The following TMEM135 variants were observed in gnomAD, a reference collection of about 807,000 sequenced individuals.
TMEM135 encodes the protein transmembrane protein 135, also known as peroxisomal membrane protein 52.
TMEM135 carries 30 observed loss-of-function variants against 60.3 expected under a neutral mutation model. The observed-to-expected ratio is 0.50, with a 90% CI of 0.37 to 0.68. TMEM135 has a LOEUF of 0.68. Ranked by LOEUF, TMEM135 falls within the 30% of genes least tolerant of loss-of-function variation. The pLI, the probability that TMEM135 is intolerant of heterozygous loss-of-function variation, is 0.00. For missense variants in TMEM135, 468 were observed against 548.8 expected (o/e 0.85, Z 1.47); for synonymous variants, 190 against 186.7 (o/e 1.02, Z -0.14).
At chr11:87,309,120 AT>A (rs1203651758) in intron 9 of TMEM135, among the ~76,000 whole-genome samples, 1 of 152,182 alleles carries the variant, frequency 6.6e-6, no homozygotes, top group Non-Finnish European at 1.5e-5. Context: ...TTTCAAGAGC[AT>A]TTGGTTTTAT....
chr11:87,163,982 G>A (rs1398107267), intron 5 of TMEM135, among the ~76,000 whole-genome samples: 2 of 148,628 alleles, frequency 1.3e-5, no homozygotes, highest in East Asian at 4.1e-4. Flanking sequence ...CTCCCATTTT[G>A]TAGGATGCCT....
chr11:87,087,809 C>T (rs1489269186), intron 3 of TMEM135, among the ~76,000 whole-genome samples: 6 of 152,198 alleles, frequency 3.9e-5, no homozygotes, highest in Middle Eastern at 3.4e-3. Flanking sequence ...CGATCTTGGC[C>T]CACTGCAACC....
chr11:87,300,038 A>G (rs1942415989), intron 7 of TMEM135, among the ~76,000 whole-genome samples: 1 of 152,206 alleles, frequency 6.6e-6, no homozygotes, highest in African/African-American at 2.4e-5. Flanking sequence ...TGATCCAGAT[A>G]AGAAGAGCAA....
At chr11:87,170,175 A>G (rs1236156569) in intron 5 of TMEM135, among the ~76,000 whole-genome samples, 1 of 152,166 alleles carries the variant, frequency 6.6e-6, no homozygotes, top group East Asian at 1.9e-4. Flanking sequence ...TATTCTAGTT[A>G]GCAATTCCTC....
At chr11:87,110,406 T>A (rs1244707307) in intron 4 of TMEM135, among the ~76,000 whole-genome samples, 1 of 151,760 alleles carries the variant, frequency 6.6e-6, no homozygotes, top group Non-Finnish European at 1.5e-5. Context: ...GAGGTTATAG[T>A]GAGCCATGCT....
chr11:87,122,956 G>T (rs993792465), intron 4 of TMEM135, among the ~76,000 whole-genome samples: 7 of 152,096 alleles, frequency 4.6e-5, no homozygotes, highest in African/African-American at 1.7e-4. Context: ...TGCCAGCTTT[G>T]TGGGTCATAT....
At chr11:87,305,468 A>T (rs1383639030) in intron 8 of TMEM135, among the ~76,000 whole-genome samples, 2 of 152,138 alleles carry the variant, frequency 1.3e-5, no homozygotes, top group Admixed American at 1.3e-4. Context: ...ACCAAAAGTG[A>T]CACACATTTA....
At chr11:87,076,442 C>A (rs1042558585) in intron 3 of TMEM135, among the ~76,000 whole-genome samples, 2 of 152,196 alleles carry the variant, frequency 1.3e-5, no homozygotes, top group African/African-American at 4.8e-5. Flanking sequence ...AGTAGGCCCC[C>A]CCTCTGGCCT....
chr11:87,318,385 C>G (rs1389790691), intron 13 of TMEM135, 150 bp downstream of exon 13: 1 of 659,530 alleles, frequency 1.5e-6, no homozygotes, highest in Non-Finnish European at 2.6e-6. Flanking sequence ...TTTTTTTCAG[C>G]AAGATAGCTT....
intron 6 of TMEM135, among the ~76,000 whole-genome samples, chr11:87,272,021 G>A (rs548203142): frequency 2.1e-5 from 3 of 146,340 alleles, no homozygotes; most frequent in South Asian, 2.2e-4. Flanking sequence ...TACACATATA[G>A]CCTGCATTAT....
chr11:87,195,811 C>T (rs1013678916), intron 5 of TMEM135, among the ~76,000 whole-genome samples: 4 of 151,908 alleles, frequency 2.6e-5, no homozygotes, highest in Non-Finnish European at 4.4e-5. Context: ...TGTTGATGTT[C>T]GATGTTATTA....
chr11:87,142,830 T>C (rs1051295693), intron 4 of TMEM135, among the ~76,000 whole-genome samples: 56 of 147,028 alleles, frequency 3.8e-4, no homozygotes, highest in African/African-American at 1.4e-3. Flanking sequence ...TTCTCTTCCT[T>C]CTCCTTTCTT....
Position 87,252,088 on chromosome 11 carries a change from C to T in TMEM135, c.509+15404C>T, listed in dbSNP as rs138175951. Among the ~76,000 whole-genome samples, 92 of 152,130 alleles carry T rather than the reference C, an allele frequency of 6.0e-4. 1 individual carries two copies. The highest frequency in any genetic ancestry group is 2.2e-3 in the African/African-American group (91 of 41,506). ...AGAAGCTTGAGAGAAAAAGATAGGGCCATTTGCTAGAGGATTAAGGGTTTT... is the reference window on the plus strand; with the variant it reads ...AGAAGCTTGAGAGAAAAAGATAGGGTCATTTGCTAGAGGATTAAGGGTTTT... On this transcript the variant is annotated intron_variant, in intron 6 of 14. Coordinates refer to ENST00000305494, the MANE Select transcript of TMEM135 (RefSeq NM_022918.4).
At chr11:87,176,758 A>G (rs1030121187) in intron 5 of TMEM135, among the ~76,000 whole-genome samples, 2 of 152,120 alleles carry the variant, frequency 1.3e-5, no homozygotes, top group African/African-American at 2.4e-5. Context: ...GATTGAAGTC[A>G]GGTTATAGTG....
chr11:87,097,932 T>C (rs538186302), intron 4 of TMEM135, among the ~76,000 whole-genome samples: 1 of 152,298 alleles, frequency 6.6e-6, no homozygotes, highest in African/African-American at 2.4e-5. Context: ...ATGGAGTTGA[T>C]CAACATCTAA....
chr11:87,237,957 T>C (rs1941039395), intron 6 of TMEM135, among the ~76,000 whole-genome samples: 1 of 152,026 alleles, frequency 6.6e-6, no homozygotes. Context: ...CTTAACATAA[T>C]GATCTCCAGT....
At chr11:87,309,186 G>A (rs1942600445) in intron 9 of TMEM135, among the ~76,000 whole-genome samples, 1 of 152,132 alleles carries the variant, frequency 6.6e-6, no homozygotes, top group Non-Finnish European at 1.5e-5. Context: ...TTGTGGTTTA[G>A]GAATTTAAAA....
intron 1 of TMEM135, among the ~76,000 whole-genome samples, chr11:87,053,259 GAAA>G (rs1309320948): frequency 6.8e-6 from 1 of 147,092 alleles, no homozygotes; most frequent in Non-Finnish European, 1.5e-5. Context: ...ATGACTTTGA[GAAA>G]AAAATTCGTG....
At chr11:87,286,308 C>A (rs1039737467) in intron 6 of TMEM135, among the ~76,000 whole-genome samples, 4 of 151,226 alleles carry the variant, frequency 2.6e-5, no homozygotes, top group Non-Finnish European at 5.9e-5. Flanking sequence ...TCTCCAAGTC[C>A]CCACCAGATT....
Sources: allele counts gnomAD v4.1 joint callset (sites outside exome capture counted in the v4.1 genomes callset), GRCh38; gene constraint gnomAD v4.1.1; transcripts MANE v1.5; gene names NCBI Gene and HGNC (gene_info 2026-07-23, HGNC 2026-07-21).